ZNF793: variants seen among roughly 807,000 people sequenced by gnomAD.
ZNF793 encodes the protein zinc finger protein 793.
In ZNF793, 5 loss-of-function variants were observed where a neutral mutation model predicts 12.4. That is an observed-to-expected ratio of 0.40 (90% CI 0.21 to 0.84). ZNF793 has a LOEUF of 0.84. Ranked by LOEUF, ZNF793 falls within the 40% of genes least tolerant of loss-of-function variation. ZNF793 has a pLI of 0.35. For missense variants in ZNF793, 456 were observed against 495.0 expected (o/e 0.92, Z 0.75); for synonymous variants, 162 against 172.4 (o/e 0.94, Z 0.47).
At chr19:37,533,603 G>C (rs2042480185) in intron 7 of ZNF793, 200 bp downstream of exon 7, 2 of 554,380 alleles carry the variant, frequency 3.6e-6, no homozygotes, top group South Asian at 4.7e-5. Flanking sequence ...CTGCCCTTAT[G>C]TGCTTGGTCC....
rs149389958 is a variant in ZNF793, at chr19:37,537,963, G to C, written c.*84G>C. ...ATCTCACTTTGTCACCCAGGCTGGA[G>C]TGCAGTGGCGCGATCTCGGCTTACT... On this transcript the variant is annotated 3_prime_UTR_variant, in exon 8 of 8. Transcript: ENST00000627814. 0.047 allele frequency: 66,531 copies of C among 1,413,414 alleles called. 1,756 individuals are homozygous for C. The highest frequency in any genetic ancestry group is 0.053 in the Non-Finnish European group (56,911 of 1,079,408). The allele number at this position is 1,413,414 out of a possible 1,614,324, so 87.6% of individuals were successfully genotyped here.
rs1175477512 is a variant in ZNF793, at chr19:37,537,580, G to T, written c.922G>T (p.Glu308Ter). 2 of 1,614,162 alleles carry T rather than the reference G, an allele frequency of 1.2e-6. No individual in the cohort carries two copies. The highest frequency in any genetic ancestry group is 2.2e-5 in the South Asian group (2 of 91,074). Residue 308 changes from glutamate (E) to a stop codon, truncating the protein, a stop_gained, in exon 8 of 8, where the codon GAG (glutamate) becomes TAG (stop). Transcript: ENST00000627814. LOFTEE classifies it low-confidence loss of function (END_TRUNC). ...AGAACATCAGAGAACACACACAGGAGAGAGACCCTTTGTCTGCAGTGAATG... is the reference window on the plus strand; with the variant it reads ...AGAACATCAGAGAACACACACAGGATAGAGACCCTTTGTCTGCAGTGAATG... ...RTEHQRTHTG[E>*]RPFVCSECGK...
intron 7 of ZNF793, chr19:37,535,963 TAAC>T (rs1254310943): frequency 6.5e-6 from 1 of 152,762 alleles, no homozygotes; most frequent in African/African-American, 2.4e-5. Flanking sequence ...GACATGAAAA[TAAC>T]AATATTCACA....
intron 2 of ZNF793, among the ~76,000 whole-genome samples, chr19:37,519,288 T>C (rs1343779025): frequency 1.3e-5 from 2 of 151,926 alleles, no homozygotes; most frequent in African/African-American, 4.8e-5. Context: ...AATTCTGATA[T>C]AAATTCCCTT....
chr19:37,536,749 T>C (rs892466293), intron 7 of ZNF793, 148 bp from the exon 8 acceptor site: 2 of 799,218 alleles, frequency 2.5e-6, no homozygotes, highest in Non-Finnish European at 3.9e-6. Flanking sequence ...TTCAGAATCC[T>C]CTTTACTCAT....
At position 37,542,491 on chromosome 19, in the gene ZNF793, C is replaced by T. The variant is rs960817333; in HGVS notation, c.*4612C>T. ...AGTAAAAGCTCCAATACATAAAAGA[C>T]AGATGAACATGTGAACATGGACATT... On this transcript the variant is annotated 3_prime_UTR_variant, in exon 8 of 8. Coordinates refer to ENST00000627814, the MANE Select transcript of ZNF793 (RefSeq NM_001013659.3). The T allele has an allele frequency of 2.5e-6, 1 of 404,590 alleles. No homozygotes were observed. Among genetic ancestry groups the T allele is most frequent in the Non-Finnish European group, 5.0e-6 (1 of 201,154 alleles). 25.1% of individuals were successfully genotyped at this position (404,590 alleles called of 1,614,324 possible). A position where few individuals can be genotyped will look rare whatever the true frequency, so the allele number is the denominator to read the frequency against.
chr19:37,531,524 G>A (rs895616277), intron 5 of ZNF793: 9 of 153,598 alleles, frequency 5.9e-5, no homozygotes, highest in African/African-American at 2.2e-4. Flanking sequence ...TTGTTACTAA[G>A]TAACTTGCCA....
chr19:37,523,345 C>A (rs2042389569), intron 4 of ZNF793, 65 bp from the exon 5 acceptor site: 3 of 1,313,298 alleles, frequency 2.3e-6, no homozygotes, highest in Admixed American at 1.8e-5. Flanking sequence ...CAAGACAGGC[C>A]TAGCTCTTTA....
intron 6 of ZNF793, among the ~76,000 whole-genome samples, chr19:37,533,091 G>A (rs918154951): frequency 2.0e-5 from 3 of 152,100 alleles, no homozygotes; most frequent in African/African-American, 7.2e-5. Context: ...TCAGCATTCT[G>A]GCAGCACAGA....
intron 7 of ZNF793, chr19:37,534,777 G>GCT (rs1012662460): frequency 4.0e-5 from 6 of 151,792 alleles, no homozygotes. Context: ...GACCTCCTGG[G>GCT]CTCAAGCGAT....
At chr19:37,523,797 G>A (rs748445836) in intron 5 of ZNF793, among the ~76,000 whole-genome samples, 2 of 152,138 alleles carry the variant, frequency 1.3e-5, no homozygotes, top group Admixed American at 6.5e-5. Context: ...AGGCTGCCCC[G>A]AGGAGGGTAG....
intron 2 of ZNF793, among the ~76,000 whole-genome samples, chr19:37,509,675 A>T (rs952683875): frequency 1.3e-5 from 2 of 152,186 alleles, no homozygotes; most frequent in Non-Finnish European, 2.9e-5. Flanking sequence ...TCCCTTCACC[A>T]CCTATACTGT....
rs977069332 is a variant in ZNF793 at position 37,539,555 on chromosome 19, A to G, written c.*1676A>G. ...CATCCATATTAGAAAATAAATGGCC[A>G]TGTGGAATCTACATTTTTCAAGATT... On this transcript the variant is annotated 3_prime_UTR_variant, in exon 8 of 8. Coordinates refer to ENST00000627814, the MANE Select transcript of ZNF793 (RefSeq NM_001013659.3). The G allele has an allele frequency of 1.3e-5, 2 of 152,214 alleles. No homozygotes were observed. Among genetic ancestry groups the G allele is most frequent in the Non-Finnish European group, 2.9e-5 (2 of 68,040 alleles). 9.4% of individuals were successfully genotyped at this position (152,214 alleles called of 1,614,324 possible).
intron 3 of ZNF793, among the ~76,000 whole-genome samples, chr19:37,521,702 C>G (rs563954898): frequency 2.0e-5 from 3 of 151,990 alleles, no homozygotes; most frequent in Non-Finnish European, 2.9e-5. Context: ...CTTGGCCTCC[C>G]AAAGTGCTGG....
chr19:37,538,919 A>G lies in ZNF793; in HGVS notation c.*1040A>G, dbSNP rs973634531. ...TTCAGAAAACTTTTCCACTTTAAAT[A>G]TCATCATTGTCTTTTGATGTCTTAA... On this transcript the variant is annotated 3_prime_UTR_variant, in exon 8 of 8. Transcript: ENST00000627814. 5.9e-5 allele frequency: 9 copies of G among 152,210 alleles called. No homozygotes were observed. The highest frequency in any genetic ancestry group is 1.4e-4 in the African/African-American group (6 of 41,450). 9.4% of individuals were successfully genotyped at this position (152,210 alleles called of 1,614,324 possible). A position where few individuals can be genotyped will look rare whatever the true frequency, so the allele number is the denominator to read the frequency against.
Position 37,540,980 on chromosome 19 carries a change from A to T in ZNF793, c.*3101A>T, listed in dbSNP as rs955476. The T allele has an allele frequency of 1.3e-5, 2 of 152,148 alleles. No homozygotes were observed. The highest frequency in any genetic ancestry group is 2.4e-5 in the African/African-American group (1 of 41,576). 9.4% of individuals were successfully genotyped at this position (152,148 alleles called of 1,614,324 possible). On this transcript the variant is annotated 3_prime_UTR_variant, in exon 8 of 8. Transcript: ENST00000627814. Reference sequence around the variant, plus strand: ...AATTATATATCTATAATAATTAAAAATTTTTAAAATGCCATGCTAGATACC... The same window carrying T: ...AATTATATATCTATAATAATTAAAATTTTTTAAAATGCCATGCTAGATACC...
At chr19:37,532,518 T>C (rs532697880) in intron 6 of ZNF793, 36 bp downstream of exon 6, 2 of 1,529,044 alleles carry the variant, frequency 1.3e-6, no homozygotes, top group African/African-American at 2.8e-5. Flanking sequence ...CAGATTATGT[T>C]CGAATGACCA....
At chr19:37,514,058 A>C (rs1277818385) in intron 2 of ZNF793, among the ~76,000 whole-genome samples, 2 of 152,234 alleles carry the variant, frequency 1.3e-5, no homozygotes, top group Non-Finnish European at 2.9e-5. Context: ...TTATCAAGTC[A>C]GGAGGAAATG....
At chr19:37,521,062 A>G (rs1415336016) in intron 3 of ZNF793, among the ~76,000 whole-genome samples, 1 of 150,414 alleles carries the variant, frequency 6.6e-6, no homozygotes, top group Non-Finnish European at 1.5e-5. Flanking sequence ...TTCTCGGCTC[A>G]CTGCAAGCTC....
Sources: allele counts gnomAD v4.1 joint callset (sites outside exome capture counted in the v4.1 genomes callset), GRCh38; gene constraint gnomAD v4.1.1; transcripts MANE v1.5; gene names NCBI Gene and HGNC (gene_info 2026-07-23, HGNC 2026-07-21).